The following PPFIA2 variants were observed in gnomAD, a reference collection of about 807,000 sequenced individuals.
PPFIA2 encodes liprin-alpha-2.
PPFIA2 carries 46 observed loss-of-function variants against 175.5 expected under a neutral mutation model. The ratio of observed to expected loss-of-function variants is 0.26; its 90% CI spans 0.21 to 0.34. The LOEUF is 0.34. PPFIA2 is among the 10% of genes least tolerant of loss of function. PPFIA2 has a pLI of 1.00. For synonymous variants in PPFIA2, 568 were observed against 511.4 expected (o/e 1.11, Z -1.49); for missense variants, 1,179 against 1,506.1 (o/e 0.78, Z 3.60).
intron 24 of PPFIA2, among the ~76,000 whole-genome samples, chr12:81,289,434 T>A (rs2044313614): frequency 6.6e-6 from 1 of 151,892 alleles, no homozygotes; most frequent in African/African-American, 2.4e-5. Context: ...TTCATCAACT[T>A]AAATAAATGT....
chr12:81,590,545 C>T (rs1189813630), intron 4 of PPFIA2, among the ~76,000 whole-genome samples: 1 of 151,698 alleles, frequency 6.6e-6, no homozygotes, highest in Non-Finnish European at 1.5e-5. Context: ...GCTGTGTCCC[C>T]ACCCAAATCT....
At chr12:81,349,076 G>A (rs955776210) in intron 17 of PPFIA2, among the ~76,000 whole-genome samples, 1 of 152,172 alleles carries the variant, frequency 6.6e-6, no homozygotes, top group Non-Finnish European at 1.5e-5. Flanking sequence ...TCTGGTGTAC[G>A]TTTACTATGG....
intron 3 of PPFIA2, among the ~76,000 whole-genome samples, chr12:81,702,224 G>C (rs986135578): frequency 1.3e-5 from 2 of 151,492 alleles, no homozygotes; most frequent in African/African-American, 4.8e-5. Context: ...TGCTGATGTA[G>C]TTCCACACAT....
At chr12:81,619,087 CA>C (rs1446459652) in intron 4 of PPFIA2, among the ~76,000 whole-genome samples, 1 of 152,196 alleles carries the variant, frequency 6.6e-6, no homozygotes, top group Admixed American at 6.5e-5. Context: ...GTTAAATCAT[CA>C]TTCAGTAACG....
intron 2 of PPFIA2, among the ~76,000 whole-genome samples, chr12:81,757,118 T>C (rs1386845840): frequency 6.6e-6 from 1 of 152,220 alleles, no homozygotes; most frequent in Admixed American, 6.5e-5. Flanking sequence ...TAACATTTCT[T>C]AAATGCACAT....
At chr12:81,359,233 C>A (rs1428291146) in intron 15 of PPFIA2, among the ~76,000 whole-genome samples, 1 of 151,940 alleles carries the variant, frequency 6.6e-6, no homozygotes, top group Non-Finnish European at 1.5e-5. Flanking sequence ...ACAAGCACTT[C>A]CAAATATCTG....
chr12:81,481,237 A>C (rs1329805533), intron 4 of PPFIA2, among the ~76,000 whole-genome samples: 1 of 152,240 alleles, frequency 6.6e-6, no homozygotes. Context: ...CAAGGAAATA[A>C]GAGAGGACAC....
chr12:81,717,286 T>C (rs2078751338), intron 3 of PPFIA2, among the ~76,000 whole-genome samples: 1 of 151,674 alleles, frequency 6.6e-6, no homozygotes, highest in African/African-American at 2.4e-5. Flanking sequence ...ACAGTGTTCT[T>C]CTTTTGTTCT....
At chr12:81,282,888 C>T in intron 26 of PPFIA2, 122 bp downstream of exon 26, 1 of 739,714 alleles carries the variant, frequency 1.4e-6, no homozygotes, top group Non-Finnish European at 2.3e-6. Flanking sequence ...TACCTATACA[C>T]ATCAGCCTAA....
intron 7 of PPFIA2, among the ~76,000 whole-genome samples, chr12:81,415,189 AAAAAAAAAAAAAAAAAAAAAAATATAT>A (rs1163077982): frequency 7.7e-5 from 3 of 38,862 alleles, no homozygotes; most frequent in South Asian, 1.0e-3. Flanking sequence ...AAAAAAAAAA[AAAAAAAAAAAAAAAAAAAAAAATATAT>A]ATATATATAT....
intron 24 of PPFIA2, among the ~76,000 whole-genome samples, chr12:81,290,916 A>G (rs772401935): frequency 6.6e-6 from 1 of 151,828 alleles, no homozygotes; most frequent in Non-Finnish European, 1.5e-5. Flanking sequence ...TAGGAATTTG[A>G]TTAAATAACT....
rs144222730 is a variant in PPFIA2 at position 81,413,272 on chromosome 12, GA to G, written c.646-7370del. ...AAAAATGATGACAGGCTACATGAAT[GA>G]AAAAAAAGCATATGAGGAGTTGGAA... On this transcript the variant is annotated intron_variant, in intron 7 of 32. Coordinates refer to ENST00000549396, the MANE Select transcript of PPFIA2 (RefSeq NM_003625.5). Among the ~76,000 whole-genome samples, 194 of 151,428 alleles carry G rather than the reference GA, an allele frequency of 1.3e-3. 2 individuals carry two copies. Among genetic ancestry groups the G allele is most frequent in the African/African-American group, 4.4e-3 (184 of 41,352 alleles).
At chr12:81,664,631 A>G (rs1456095966) in intron 4 of PPFIA2, among the ~76,000 whole-genome samples, 1 of 152,110 alleles carries the variant, frequency 6.6e-6, no homozygotes, top group East Asian at 1.9e-4. Context: ...CACTGTGGCG[A>G]TTCCTCAGGG....
chr12:81,564,024 T>A (rs2070769147), intron 4 of PPFIA2, among the ~76,000 whole-genome samples: 1 of 152,168 alleles, frequency 6.6e-6, no homozygotes, highest in Non-Finnish European at 1.5e-5. Context: ...TCAACATAAA[T>A]CTTTTTATTT....
At position 81,665,424 on chromosome 12, in the gene PPFIA2, T is replaced by C. The variant is rs942705161; in HGVS notation, c.303+11367A>G. ...TCAGTGTTAGCATAAACTTAACTTTTAGGTCTTTCAGGTGTTAGTCTGAAA... is the reference window on the plus strand; with the variant it reads ...TCAGTGTTAGCATAAACTTAACTTTCAGGTCTTTCAGGTGTTAGTCTGAAA... On this transcript the variant is annotated intron_variant, in intron 4 of 32. Transcript: ENST00000549396. 4.9e-4 allele frequency among the ~76,000 whole-genome samples: 75 copies of C among 152,082 alleles called. 2 individuals carry two copies. Among genetic ancestry groups the C allele is most frequent in the Admixed American group, 5.2e-4 (8 of 15,270 alleles).
Position 81,368,830 on chromosome 12 carries a change from C to T in PPFIA2, c.1377G>A (p.Glu459=). ...TATCCGATAATCTCTTGTTATGCTCCTCATTCATTTTCTCTCTTTGCCTAG... is the reference window on the plus strand; with the variant it reads ...TATCCGATAATCTCTTGTTATGCTCTTCATTCATTTTCTCTCTTTGCCTAG... ...QRARQREKMN[E]EHNKRLSDTV... is the part of the protein sequence containing the mutation. The change falls in exon 13 of 33, where the codon GAG becomes GAA. Residue 459 remains glutamate (E), a synonymous_variant. Transcript: ENST00000549396. 1 of 1,610,156 alleles carries T rather than the reference C, an allele frequency of 6.2e-7. No individual in the cohort carries two copies. Among genetic ancestry groups the T allele is most frequent in the Non-Finnish European group, 8.5e-7 (1 of 1,177,752 alleles).
intron 4 of PPFIA2, among the ~76,000 whole-genome samples, chr12:81,651,809 T>C (rs907149957): frequency 1.3e-5 from 2 of 152,158 alleles, no homozygotes; most frequent in African/African-American, 4.8e-5. Flanking sequence ...ACTTCATTCC[T>C]ATCTCACATA....
intron 4 of PPFIA2, among the ~76,000 whole-genome samples, chr12:81,611,710 T>TG (rs2060930118): frequency 6.6e-6 from 1 of 152,078 alleles, no homozygotes; most frequent in Admixed American, 6.5e-5. Context: ...CCAATGCCTC[T>TG]GGGGGAGTGG....
intron 4 of PPFIA2, among the ~76,000 whole-genome samples, chr12:81,490,044 T>C (rs2059263342): frequency 6.6e-6 from 1 of 151,892 alleles, no homozygotes. Context: ...TTTTCCCCAT[T>C]ATAAGACCTA....
Sources: allele counts gnomAD v4.1 joint callset (sites outside exome capture counted in the v4.1 genomes callset), GRCh38; gene constraint gnomAD v4.1.1; transcripts MANE v1.5; gene names NCBI Gene and HGNC (gene_info 2026-07-23, HGNC 2026-07-21).